Variants in CBFB observed in about 807,000 individuals in gnomAD.
The protein encoded by CBFB is CBF-beta.
In CBFB, 9 loss-of-function variants were observed where a neutral mutation model predicts 30.4. The observed-to-expected ratio is 0.30, with a 90% CI of 0.18 to 0.52. CBFB has a LOEUF of 0.52. Ranked by LOEUF, CBFB falls within the 20% of genes least tolerant of loss-of-function variation. CBFB has a pLI of 0.97. For synonymous variants in CBFB, 94 were observed against 84.0 expected (o/e 1.12, Z -0.65); for missense variants, 170 against 244.0 (o/e 0.70, Z 2.02).
intron 5 of CBFB, among the ~76,000 whole-genome samples, chr16:67,092,023 A>G (rs1961898790): frequency 1.3e-5 from 2 of 152,102 alleles, no homozygotes; most frequent in Admixed American, 1.3e-4. Context: ...TAAGCCCTGC[A>G]TGCATTAGGT....
chr16:67,066,606 A>G, intron 3 of CBFB, 76 bp from the exon 4 acceptor site: 2 of 757,314 alleles, frequency 2.6e-6, no homozygotes, highest in Non-Finnish European at 4.5e-6. Context: ...TACAGAGTTT[A>G]TATAAGTAAG....
chr16:67,055,401 C>G (rs1397380604), intron 3 of CBFB, among the ~76,000 whole-genome samples: 1 of 112,892 alleles, frequency 8.9e-6, no homozygotes. Flanking sequence ...GAGTCTCGCT[C>G]TGTCGCCCAG....
chr16:67,039,016 C>G (rs906395972), intron 3 of CBFB, among the ~76,000 whole-genome samples: 1 of 152,088 alleles, frequency 6.6e-6, no homozygotes, highest in Admixed American at 6.6e-5. Flanking sequence ...CCAAAAATAA[C>G]AAAAATGTGA....
chr16:67,059,171 A>C (rs1249749056), intron 3 of CBFB, among the ~76,000 whole-genome samples: 2 of 152,174 alleles, frequency 1.3e-5, no homozygotes, highest in African/African-American at 4.8e-5. Flanking sequence ...GCTTATTCCA[A>C]ATTTAGATAT....
chr16:67,056,608 C>G (rs772501716), intron 3 of CBFB, among the ~76,000 whole-genome samples: 1 of 151,586 alleles, frequency 6.6e-6, no homozygotes, highest in Non-Finnish European at 1.5e-5. Context: ...TCCCGTGTAA[C>G]ATGCTTGTTT....
At chr16:67,097,568 C>G (rs1250798782) in intron 5 of CBFB, among the ~76,000 whole-genome samples, 1 of 149,144 alleles carries the variant, frequency 6.7e-6, no homozygotes, top group Non-Finnish European at 1.5e-5. Flanking sequence ...AAAAAAGCAT[C>G]TGGGAATATA....
At chr16:67,060,658 C>T (rs1401099488) in intron 3 of CBFB, among the ~76,000 whole-genome samples, 7 of 152,092 alleles carry the variant, frequency 4.6e-5, no homozygotes, top group Admixed American at 6.5e-5. Flanking sequence ...TGGGTTCAAA[C>T]GATTCTCCTG....
At chr16:67,047,460 G>T (rs1040979961) in intron 3 of CBFB, among the ~76,000 whole-genome samples, 6 of 152,182 alleles carry the variant, frequency 3.9e-5, no homozygotes, top group Non-Finnish European at 8.8e-5. Flanking sequence ...TAAAACTTCA[G>T]ATGTAAAGAC....
intron 4 of CBFB, chr16:67,067,101 G>GA (rs1207625663): frequency 1.8e-5 from 3 of 165,250 alleles, no homozygotes; most frequent in Admixed American, 1.3e-4. Flanking sequence ...AGGGAAAAAA[G>GA]AAAAAACTGT....
chr16:67,067,946 G>C (rs1465434057), intron 4 of CBFB, among the ~76,000 whole-genome samples: 1 of 152,048 alleles, frequency 6.6e-6, no homozygotes, highest in East Asian at 1.9e-4. Flanking sequence ...CATGTACAAG[G>C]CTACACCTGC....
intron 5 of CBFB, among the ~76,000 whole-genome samples, chr16:67,089,272 G>A (rs1961817396): frequency 6.6e-6 from 1 of 152,036 alleles, no homozygotes; most frequent in African/African-American, 2.4e-5. Context: ...CTTACTCTCT[G>A]GGTATTTTTC....
chr16:67,036,878 C>A, intron 3 of CBFB, 123 bp downstream of exon 3: 1 of 655,294 alleles, frequency 1.5e-6, no homozygotes, highest in Non-Finnish European at 2.7e-6. Context: ...GATTTGTTTT[C>A]ATTCCATGTT....
intron 5 of CBFB, among the ~76,000 whole-genome samples, chr16:67,097,780 C>T (rs1401859722): frequency 1.3e-5 from 2 of 152,008 alleles, no homozygotes; most frequent in East Asian, 3.9e-4. Context: ...TAGTTCTAGC[C>T]AGGTCCTATG....
intron 3 of CBFB, among the ~76,000 whole-genome samples, chr16:67,062,220 G>A (rs1362153811): frequency 2.0e-5 from 3 of 150,614 alleles, no homozygotes; most frequent in Non-Finnish European, 4.4e-5. Flanking sequence ...CTAGACTGGA[G>A]TGCAATGGCA....
intron 4 of CBFB, among the ~76,000 whole-genome samples, chr16:67,072,624 G>A (rs1160334096): frequency 6.6e-6 from 1 of 151,908 alleles, no homozygotes; most frequent in East Asian, 1.9e-4. Context: ...GTGCCACCAT[G>A]CCCGGCTAAT....
intron 4 of CBFB, 84 bp from the exon 5 acceptor site, chr16:67,082,129 G>GAAA (rs36017652): frequency 1.3e-3 from 1,137 of 862,886 alleles, no homozygotes; most frequent in South Asian, 2.1e-3. Context: ...ACTGTTTCAG[G>GAAA]AAAAAAAAAA....
Position 67,044,805 on chromosome 16 carries a change from A to G in CBFB, c.282+8050A>G, listed in dbSNP as rs553853719. Among the ~76,000 whole-genome samples the G allele has an allele frequency of 1.1e-4, 16 of 152,316 alleles. No individual in the cohort carries two copies. The South Asian group carries it at 2.5e-3, about 24-fold the overall frequency. Reference sequence around the variant, plus strand: ...TTGATGTTAGCTTTGAGAAATCCCTATTTAAGCTCAAGAAGTTCCTTCTCT... The same window carrying G: ...TTGATGTTAGCTTTGAGAAATCCCTGTTTAAGCTCAAGAAGTTCCTTCTCT... On this transcript the variant is annotated intron_variant, in intron 3 of 5. Transcript: ENST00000412916.
Position 67,036,153 on chromosome 16 carries a change from C to G in CBFB, c.166-486C>G, listed in dbSNP as rs994833634. Among the ~76,000 whole-genome samples the G allele has an allele frequency of 4.6e-5, 7 of 152,240 alleles. No homozygotes were observed. In the East Asian group the frequency reaches 1.2e-3, roughly 25 times the overall value. On this transcript the variant is annotated intron_variant, in intron 2 of 5. Transcript: ENST00000412916. ...AATGTATGGTTTATCAGAGGAGAGA[C>G]AATTCCAAGTGCATTTTTTATGTAC...
At chr16:67,096,907 A>T (rs1303958211) in intron 5 of CBFB, among the ~76,000 whole-genome samples, 1 of 143,074 alleles carries the variant, frequency 7.0e-6, no homozygotes, top group Non-Finnish European at 1.5e-5. Flanking sequence ...GCGCCACTGC[A>T]CTCCAGCGAC....
Sources: gnomAD v4.1 joint callset for allele counts (sites outside exome capture counted in the v4.1 genomes callset) on GRCh38, gnomAD v4.1.1 for gene constraint, MANE v1.5 for transcripts, NCBI Gene and HGNC (gene_info 2026-07-23, HGNC 2026-07-21) for gene names.